Variants in COL17A1 observed in about 807,000 individuals in gnomAD.
COL17A1 encodes the protein collagen alpha-1(XVII) chain.
COL17A1 carries 181 observed loss-of-function variants against 218.4 expected under a neutral mutation model. The ratio of observed to expected loss-of-function variants is 0.83; its 90% CI spans 0.73 to 0.94. The LOEUF is 0.94. Among genes scored for constraint, COL17A1 ranks in the 40% least tolerant of loss-of-function variants. COL17A1 has a pLI of 0.00. For missense variants in COL17A1, 1,924 were observed against 1,945.9 expected, an observed-to-expected ratio of 0.99 and a Z score of 0.21; for synonymous variants, 721 against 731.0, an observed-to-expected ratio of 0.99 and a Z score of 0.22.
intron 29 of COL17A1, 71 bp downstream of exon 29, chr10:104,049,338 C>T (rs917038426): frequency 3.3e-5 from 46 of 1,407,618 alleles, no homozygotes; most frequent in African/African-American, 1.1e-4. Context: ...CTCTAGAAGA[C>T]GGATCTCTCC....
At chr10:104,066,640 T>G (rs181362679) in intron 9 of COL17A1, among the ~76,000 whole-genome samples, 1 of 152,214 alleles carries the variant, frequency 6.6e-6, no homozygotes, top group Non-Finnish European at 1.5e-5. Flanking sequence ...ATAACACGCT[T>G]GCCTCCACTT....
chr10:104,079,060 C>T (rs1372975571), intron 2 of COL17A1, among the ~76,000 whole-genome samples: 1 of 152,138 alleles, frequency 6.6e-6, no homozygotes, highest in African/African-American at 2.4e-5. Flanking sequence ...CATTATGTTT[C>T]GTTCTAATGT....
chr10:104,055,718 C>A, intron 18 of COL17A1, 64 bp downstream of exon 18: 1 of 1,599,032 alleles, frequency 6.3e-7, no homozygotes, highest in Non-Finnish European at 8.5e-7. Flanking sequence ...TGCACACATA[C>A]CACATAGATG....
chr10:104,032,499 C>T (rs1429811052), intron 55 of COL17A1, among the ~76,000 whole-genome samples, 175 bp downstream of exon 55: 1 of 152,252 alleles, frequency 6.6e-6, no homozygotes, highest in Non-Finnish European at 1.5e-5. Flanking sequence ...TCCTTTTCTT[C>T]CTCACTGTGA....
Position 104,057,053 on chromosome 10 carries a change from T to C in COL17A1, c.1387A>G (p.Ser463Gly), listed in dbSNP as rs1400927411. ...PAWCPCGSCCSWWKWLLGLLL... is the reference protein window; with the variant it reads ...PAWCPCGSCCGWWKWLLGLLL... ...AGGCCCAGCAGCCACTTCCACCAGC[T>C]GCAGCAGGAGCCGCAGGGGCACCAG... The change falls in exon 17 of 56, where the codon AGC becomes GGC. Residue 463 changes from serine (S) to glycine (G), a missense_variant. Physicochemically the swap from Ser to Gly is moderately conservative, Grantham distance 56. Transcript: ENST00000648076. 1 of 1,608,350 alleles carries C rather than the reference T, an allele frequency of 6.2e-7. No homozygotes were observed. Among genetic ancestry groups the C allele is most frequent in the East Asian group, 2.2e-5 (1 of 44,770 alleles).
intron 6 of COL17A1, 69 bp from the exon 7 acceptor site, chr10:104,073,314 G>T: frequency 7.1e-7 from 1 of 1,405,068 alleles, no homozygotes; most frequent in Non-Finnish European, 1.0e-6. Flanking sequence ...TTGACATGGA[G>T]GCAGATATAT....
chr10:104,062,811 C>G (rs987217494), intron 11 of COL17A1, among the ~76,000 whole-genome samples: 9 of 152,170 alleles, frequency 5.9e-5, no homozygotes, highest in African/African-American at 2.2e-4. Context: ...ACTCCCCCAC[C>G]TCCACTATGG....
At position 104,037,102 on chromosome 10, in the gene COL17A1, C is replaced by T. The variant is rs1221896529; in HGVS notation, c.3220G>A (p.Gly1074Ser). 5.6e-6 allele frequency: 9 copies of T among 1,605,662 alleles called. No homozygotes were observed. Among genetic ancestry groups the T allele is most frequent in the South Asian group, 3.4e-5 (3 of 89,024 alleles). Reference sequence around the variant, plus strand: ...ATGGAGGACGAGAACAAGCTGACACCGTACCCCGAAGCTGTCGGGAAGAAA... The same window carrying T: ...ATGGAGGACGAGAACAAGCTGACACTGTACCCCGAAGCTGTCGGGAAGAAA... Reference protein sequence around the residue: ...VVSYLRTSGYGVSLFSSSISS... With the variant: ...VVSYLRTSGYSVSLFSSSISS... Residue 1074 changes from glycine to serine, a missense_variant, in exon 47 of 56, where the codon GGT (glycine) becomes AGT (serine). Transcript: ENST00000648076.
chr10:104,036,553 A>G lies in COL17A1; in HGVS notation c.3357T>C (p.Asp1119=). 8.1e-6 allele frequency: 13 copies of G among 1,613,958 alleles called. No individual in the cohort carries two copies. Among genetic ancestry groups the G allele is most frequent in the African/African-American group, 1.3e-5 (1 of 74,970 alleles). Residue 1119 remains aspartate (D), a synonymous_variant, in exon 48 of 56, where the codon GAT becomes GAC. Transcript: ENST00000648076. ...CATAGTCCAAAGACAGGAGGGACCC[A>G]TCTCCACTGGCTCCTGGTGGCCCTG... ...GPPGPPGASG[D]GSLLSLDYAE...
chr10:104,035,444 G>C (rs1233070820), intron 49 of COL17A1, 30 bp downstream of exon 49: 15 of 1,613,464 alleles, frequency 9.3e-6, no homozygotes, highest in Admixed American at 8.3e-5. Flanking sequence ...TCCCCAACCA[G>C]TTGGACAGAT....
intron 24 of COL17A1, 57 bp downstream of exon 24, chr10:104,052,097 TC>T: frequency 6.2e-7 from 1 of 1,611,688 alleles, no homozygotes; most frequent in Non-Finnish European, 8.5e-7. Flanking sequence ...CTGTGATCCA[TC>T]CTGAATGTGG....
chr10:104,066,986 T>TCAATTTTTAGGACC (rs2086631630), intron 9 of COL17A1, among the ~76,000 whole-genome samples: 1 of 152,148 alleles, frequency 6.6e-6, no homozygotes, highest in Non-Finnish European at 1.5e-5. Flanking sequence ...AGCAGCTAGA[T>TCAATTTTTAGGACC]CAATTTTTAG....
rs1360031838 is a variant in COL17A1 at position 104,063,712 on chromosome 10, G to T, written c.838+35C>A. 8 of 1,613,682 alleles carry T rather than the reference G, an allele frequency of 5.0e-6. No individual in the cohort carries two copies. The African/African-American group carries it at 8.0e-5, about 16-fold the overall frequency. ...GCATCCTAACACTTCTATGCAAATA[G>T]CCTGGAAAAGTCATCTCAAGATGGT... On this transcript the variant is annotated intron_variant, in intron 11 of 55. Coordinates refer to ENST00000648076, the MANE Select transcript of COL17A1 (RefSeq NM_000494.4).
chr10:104,036,965 G>A (rs2086305828), intron 47 of COL17A1, 80 bp downstream of exon 47: 7 of 1,320,542 alleles, frequency 5.3e-6, no homozygotes, highest in African/African-American at 1.4e-5. Context: ...AGGCTCAGAC[G>A]AGGACAAGGT....
Position 104,059,439 on chromosome 10 carries a change from T to C in COL17A1, c.1222+199A>G, listed in dbSNP as rs541634024. The C allele has an allele frequency of 8.3e-5, 52 of 628,738 alleles. No homozygotes were observed. In the Admixed American group the frequency reaches 9.6e-4, roughly 12 times the overall value. 38.9% of individuals were successfully genotyped at this position (628,738 alleles called of 1,614,324 possible). A position where few individuals can be genotyped will look rare whatever the true frequency, so the allele number is the denominator to read the frequency against. On this transcript the variant is annotated intron_variant, in intron 15 of 55. Coordinates refer to ENST00000648076, the MANE Select transcript of COL17A1 (RefSeq NM_000494.4). The stretch of plus-strand genomic sequence containing the variant: ...TTCAGTAATGCAAATGCAAATCACC[T>C]AGGAAGCTTGTTGAACTGCAGCTTC...
At chr10:104,043,354 A>T in intron 35 of COL17A1, 147 bp downstream of exon 35, 1 of 753,714 alleles carries the variant, frequency 1.3e-6, no homozygotes, top group Non-Finnish European at 2.4e-6. Flanking sequence ...TGAGAATGCA[A>T]GAGTTTGCTT....
intron 4 of COL17A1, among the ~76,000 whole-genome samples, chr10:104,076,713 C>T (rs1257424041): frequency 6.6e-6 from 1 of 152,158 alleles, no homozygotes; most frequent in African/African-American, 2.4e-5. Flanking sequence ...TATAATCCAG[C>T]GTGGAAGTGT....
At chr10:104,044,582 C>T (rs116323715) in intron 33 of COL17A1, among the ~76,000 whole-genome samples, 1 of 152,114 alleles carries the variant, frequency 6.6e-6, no homozygotes, top group Admixed American at 6.5e-5. Flanking sequence ...GACTATTGCT[C>T]TCTCCCCTAA....
At chr10:104,057,552 A>G (rs2134622112) in intron 16 of COL17A1, among the ~76,000 whole-genome samples, 1 of 151,050 alleles carries the variant, frequency 6.6e-6, no homozygotes, top group East Asian at 1.9e-4. Flanking sequence ...TTTTGAATAT[A>G]GCATTGGTCT....
Sources: gnomAD v4.1 joint callset for allele counts (sites outside exome capture counted in the v4.1 genomes callset) on GRCh38, gnomAD v4.1.1 for gene constraint, MANE v1.5 for transcripts, NCBI Gene and HGNC (gene_info 2026-07-23, HGNC 2026-07-21) for gene names.